The following USP7 variants were observed in gnomAD, a reference collection of about 807,000 sequenced individuals.
USP7 encodes the protein ubiquitin specific peptidase 7.
In USP7, 9 loss-of-function variants were observed where a neutral mutation model predicts 162.9. The observed-to-expected ratio is 0.06, with a 90% CI of 0.03 to 0.10. The LOEUF is 0.10. Among genes scored for constraint, USP7 ranks in the 10% least tolerant of loss-of-function variants. The pLI, the probability that USP7 is intolerant of heterozygous loss-of-function variation, is 1.00. For synonymous variants in USP7, 562 were observed against 475.9 expected (o/e 1.18, Z -2.35); for missense variants, 715 against 1,373.7 (o/e 0.52, Z 7.58).
At chr16:8,959,541 A>G (rs1304221580) in intron 1 of USP7, among the ~76,000 whole-genome samples, 1 of 152,144 alleles carries the variant, frequency 6.6e-6, no homozygotes, top group Admixed American at 6.6e-5. Context: ...GGTTTGGCCT[A>G]ATTTCTCTCT....
intron 1 of USP7, among the ~76,000 whole-genome samples, chr16:8,943,478 A>G (rs1899138529): frequency 6.6e-6 from 1 of 152,070 alleles, no homozygotes; most frequent in Non-Finnish European, 1.5e-5. Context: ...ACCTGGATGG[A>G]GATCTGTGAC....
intron 2 of USP7, among the ~76,000 whole-genome samples, chr16:8,926,237 G>A (rs1897982057): frequency 1.3e-5 from 2 of 152,196 alleles, no homozygotes; most frequent in South Asian, 4.1e-4. Flanking sequence ...CAGCACTTTG[G>A]GAGGCAGAGG....
At chr16:8,934,784 G>C (rs1280772463) in intron 1 of USP7, among the ~76,000 whole-genome samples, 2 of 152,234 alleles carry the variant, frequency 1.3e-5, no homozygotes, top group Non-Finnish European at 1.5e-5. Flanking sequence ...TGGCCACCGA[G>C]TACATAAGGG....
At chr16:8,936,171 T>A (rs1214796373) in intron 1 of USP7, among the ~76,000 whole-genome samples, 1 of 152,128 alleles carries the variant, frequency 6.6e-6, no homozygotes, top group Non-Finnish European at 1.5e-5. Context: ...CACAGGTGTC[T>A]CCACTCAGCC....
intron 1 of USP7, among the ~76,000 whole-genome samples, chr16:8,954,885 G>A (rs1263291722): frequency 2.6e-5 from 4 of 152,110 alleles, no homozygotes; most frequent in African/African-American, 7.2e-5. Flanking sequence ...GTGTGAACCC[G>A]GGAGGCAGAG....
intron 2 of USP7, among the ~76,000 whole-genome samples, chr16:8,927,098 T>C (rs1898047331): frequency 6.6e-6 from 1 of 152,036 alleles, no homozygotes; most frequent in Non-Finnish European, 1.5e-5. Context: ...GCGAGGCGAA[T>C]CATGAGGTCA....
At chr16:8,927,166 C>T (rs1898053538) in intron 2 of USP7, among the ~76,000 whole-genome samples, 2 of 151,694 alleles carry the variant, frequency 1.3e-5, no homozygotes, top group South Asian at 2.1e-4. Context: ...ACTAAAAATA[C>T]AAAAAATTAG....
At chr16:8,922,390 A>G (rs1897742901) in intron 3 of USP7, among the ~76,000 whole-genome samples, 1 of 152,220 alleles carries the variant, frequency 6.6e-6, no homozygotes, top group Non-Finnish European at 1.5e-5. Context: ...TGAGACGCCG[A>G]GGCAGGAGAA....
intron 27 of USP7, 102 bp downstream of exon 27, chr16:8,895,534 TATAAAA>T: frequency 1.0e-6 from 1 of 962,692 alleles, no homozygotes; most frequent in Non-Finnish European, 1.6e-6. Flanking sequence ...CGATTACTGG[TATAAAA>T]ACACAAATCA....
chr16:8,937,006 T>A (rs1898776731), intron 1 of USP7, among the ~76,000 whole-genome samples: 1 of 152,184 alleles, frequency 6.6e-6, no homozygotes, highest in Non-Finnish European at 1.5e-5. Context: ...GCAACTTTTC[T>A]GTACATCTAG....
At chr16:8,937,479 T>A (rs1002236169) in intron 1 of USP7, among the ~76,000 whole-genome samples, 3 of 151,964 alleles carry the variant, frequency 2.0e-5, no homozygotes, top group Non-Finnish European at 4.4e-5. Context: ...GAGGCGGAGG[T>A]TGCAGTGAAC....
chr16:8,912,459 A>G (rs1305184389), intron 10 of USP7, among the ~76,000 whole-genome samples: 1 of 151,794 alleles, frequency 6.6e-6, no homozygotes, highest in Admixed American at 6.6e-5. Context: ...CAAAAAAAAA[A>G]AAAGAAAGAA....
chr16:8,898,143 G>C (rs1274253395), intron 25 of USP7, among the ~76,000 whole-genome samples: 2 of 152,130 alleles, frequency 1.3e-5, no homozygotes, highest in Non-Finnish European at 2.9e-5. Flanking sequence ...GTTGGCTGCC[G>C]AATGGTTCCT....
At chr16:8,910,635 A>G (rs1282943850) in intron 11 of USP7, 110 bp downstream of exon 11, 18 of 938,476 alleles carry the variant, frequency 1.9e-5, no homozygotes, top group Non-Finnish European at 2.8e-5. Context: ...TATATTCTAA[A>G]TACCAGAAAC....
At chr16:8,923,801 G>A (rs1897841604) in intron 2 of USP7, among the ~76,000 whole-genome samples, 1 of 152,182 alleles carries the variant, frequency 6.6e-6, no homozygotes, top group Admixed American at 6.5e-5. Flanking sequence ...TGGGGGTAAA[G>A]ACCACGACAT....
intron 11 of USP7, among the ~76,000 whole-genome samples, chr16:8,908,985 G>C (rs898748307): frequency 6.6e-6 from 1 of 152,196 alleles, no homozygotes; most frequent in African/African-American, 2.4e-5. Context: ...ATATCACAGG[G>C]CACGCCCTTA....
At chr16:8,932,067 T>C (rs2141233452) in intron 1 of USP7, among the ~76,000 whole-genome samples, 1 of 152,114 alleles carries the variant, frequency 6.6e-6, no homozygotes, top group South Asian at 2.1e-4. Context: ...CACCTCCCCC[T>C]CCAAGAACTC....
At chr16:8,938,864 A>G (rs1459714779) in intron 1 of USP7, among the ~76,000 whole-genome samples, 1 of 152,186 alleles carries the variant, frequency 6.6e-6, no homozygotes, top group African/African-American at 2.4e-5. Context: ...AATTTAAACT[A>G]TATAGGAAGA....
chr16:8,898,697 T>A (rs2061726439), intron 23 of USP7, 58 bp from the exon 24 acceptor site: 2 of 1,391,908 alleles, frequency 1.4e-6, no homozygotes, highest in Non-Finnish European at 2.0e-6. Flanking sequence ...AAAACAAATA[T>A]CTGTGAGTGA....
Sources: gnomAD v4.1 joint callset for allele counts (sites outside exome capture counted in the v4.1 genomes callset) on GRCh38, gnomAD v4.1.1 for gene constraint, MANE v1.5 for transcripts, NCBI Gene and HGNC (gene_info 2026-07-23, HGNC 2026-07-21) for gene names.